ZBTB48: variants seen among roughly 807,000 people sequenced by gnomAD.
ZBTB48 encodes zinc finger and BTB domain-containing protein 48.
Under a neutral mutation model 64.5 loss-of-function variants are expected in ZBTB48, and 35 were observed. The observed-to-expected ratio is 0.54, with a 90% CI of 0.41 to 0.72. The LOEUF is 0.72. Among genes scored for constraint, ZBTB48 ranks in the 30% least tolerant of loss-of-function variants. ZBTB48 has a pLI of 0.00. For missense variants in ZBTB48, 828 were observed against 895.3 expected (o/e 0.92, Z 0.96); for synonymous variants, 442 against 356.7 (o/e 1.24, Z -2.70).
rs1306014680 is a variant in ZBTB48 at position 6,586,257 on chromosome 1, G to A, written c.1044+227G>A. 5.3e-6 allele frequency: 3 copies of A among 570,574 alleles called. No individual in the cohort carries two copies. The Admixed American group carries it at 9.1e-5, about 17-fold the overall frequency. The allele number at this position is 570,574 out of a possible 1,614,324, so 35.3% of individuals were successfully genotyped here. On this transcript the variant is annotated intron_variant, in intron 4 of 10. Transcript: ENST00000377674. ...AGGGACTCTGTGGGAGGCATTTGGGGTTGGCTTTCCTAGGCCCCTGGCCCA... is the reference window on the plus strand; with the variant it reads ...AGGGACTCTGTGGGAGGCATTTGGGATTGGCTTTCCTAGGCCCCTGGCCCA...
chr1:6,580,519 C>A lies in ZBTB48; in HGVS notation c.-69-22C>A. The A allele has an allele frequency of 1.5e-6, 2 of 1,373,868 alleles. No homozygotes were observed. The highest frequency in any genetic ancestry group is 4.7e-5 in the East Asian group (2 of 42,654). The allele number at this position is 1,373,868 out of a possible 1,614,324, so 85.1% of individuals were successfully genotyped here. A position where few individuals can be genotyped will look rare whatever the true frequency, so the allele number is the denominator to read the frequency against. ...ATTATTTGAGTAGAGGCCAACTTCC[C>A]GTTTCTCTCTCTTGACTCCAGGAGC... On this transcript the variant is annotated intron_variant, in intron 1 of 10. Coordinates refer to ENST00000377674, the MANE Select transcript of ZBTB48 (RefSeq NM_005341.4). This position sits in a 1 kb window ranked among gnomAD's most constrained non-coding sequence, Gnocchi z 5.2.
intron 3 of ZBTB48, 154 bp from the exon 4 acceptor site, chr1:6,585,765 C>T: frequency 1.5e-6 from 1 of 668,726 alleles, no homozygotes; most frequent in Non-Finnish European, 2.6e-6. Flanking sequence ...AGTCTCCATG[C>T]TGGGGGAGGC....
chr1:6,583,044 G>C (rs1640527298), intron 3 of ZBTB48, among the ~76,000 whole-genome samples: 1 of 152,074 alleles, frequency 6.6e-6, no homozygotes, highest in South Asian at 2.1e-4. Flanking sequence ...AGGCTAGAGT[G>C]CAGTAGCGTG....
intron 4 of ZBTB48, chr1:6,586,334 GA>G: frequency 2.0e-6 from 1 of 500,518 alleles, no homozygotes. Context: ...TGGCAGCTGG[GA>G]AAGGCCCCCT....
At chr1:6,586,573 C>G in intron 4 of ZBTB48, 122 bp from the exon 5 acceptor site, 1 of 1,373,310 alleles carries the variant, frequency 7.3e-7, no homozygotes, top group East Asian at 2.8e-5. Context: ...CTCTCCCACC[C>G]TAGCGTCCCC....
At chr1:6,587,924 C>A in intron 7 of ZBTB48, 136 bp from the exon 8 acceptor site, 2 of 1,274,036 alleles carry the variant, frequency 1.6e-6, no homozygotes, top group South Asian at 1.5e-5. Context: ...TGTCCTTCTG[C>A]TCTCGGGGTG....
chr1:6,581,821 G>C (rs1640479961), intron 2 of ZBTB48, among the ~76,000 whole-genome samples: 1 of 152,222 alleles, frequency 6.6e-6, no homozygotes, highest in Non-Finnish European at 1.5e-5. Context: ...GGCAGCATCA[G>C]GGTTACAGGT....
chr1:6,585,003 A>G (rs1316415574), intron 3 of ZBTB48, among the ~76,000 whole-genome samples: 4 of 152,228 alleles, frequency 2.6e-5, no homozygotes, highest in African/African-American at 7.2e-5. Flanking sequence ...GGCAATGCAG[A>G]TAACAGATAA....
chr1:6,587,852 C>G (rs1640732494), intron 7 of ZBTB48, among the ~76,000 whole-genome samples: 1 of 152,164 alleles, frequency 6.6e-6, no homozygotes, highest in Admixed American at 6.5e-5. Flanking sequence ...CTCAGACAAG[C>G]CTCTGTGCCC....
At chr1:6,582,037 C>T (rs532983307) in intron 2 of ZBTB48, 21 bp from the exon 3 acceptor site, 6 of 1,607,458 alleles carry the variant, frequency 3.7e-6, no homozygotes, top group Admixed American at 3.3e-5. Flanking sequence ...CCACCCCCTC[C>T]TGCTGCCTAT....
rs1479664124 is a variant in ZBTB48, at chr1:6,584,474, A to G, written c.933-1445A>G. 6.6e-6 allele frequency among the ~76,000 whole-genome samples: 1 copy of G among 152,194 alleles called. No individual in the cohort carries two copies. Among genetic ancestry groups the G allele is most frequent in the Non-Finnish European group, 1.5e-5 (1 of 68,034 alleles). On this transcript the variant is annotated intron_variant, in intron 3 of 10. Coordinates refer to ENST00000377674, the MANE Select transcript of ZBTB48 (RefSeq NM_005341.4). This position sits in a 1 kb window ranked among gnomAD's most constrained non-coding sequence, Gnocchi z 4.5. ...CCAGCCAAGACATCACTAGTCTATC[A>G]TGGTGTGTTTTCTTGCCATGCCAGG...
At chr1:6,583,854 A>G (rs1640563705) in intron 3 of ZBTB48, among the ~76,000 whole-genome samples, 1 of 138,904 alleles carries the variant, frequency 7.2e-6, no homozygotes, top group Non-Finnish European at 1.5e-5. Flanking sequence ...GTCTAAGCTC[A>G]CTACAACCTC....
In ZBTB48 at chr1:6,580,655, C is replaced by T; in HGVS notation, c.46C>T (p.Leu16Phe). 1.9e-6 allele frequency: 3 copies of T among 1,614,086 alleles called. No individual in the cohort carries two copies. The highest frequency in any genetic ancestry group is 2.5e-6 in the Non-Finnish European group (3 of 1,180,030). ...VQHSVRVLQELNKQREKGQYC... is the reference protein window; with the variant it reads ...VQHSVRVLQEFNKQREKGQYC... ...GCACAGTGTGAGGGTTCTGCAGGAG[C>T]TCAACAAGCAGCGGGAGAAGGGCCA... is the stretch of plus-strand genomic sequence containing the variant. The change falls in exon 2 of 11, where the codon CTC (leucine) becomes TTC (phenylalanine). Residue 16 changes from leucine to phenylalanine, a missense_variant. Transcript: ENST00000377674. The surrounding 1 kb of genome is among the most constrained non-coding windows in gnomAD (Gnocchi z 5.2).
At position 6,589,205 on chromosome 1, in the gene ZBTB48, A is replaced by C. The variant is rs1640794958; in HGVS notation, c.2060A>C (p.Asp687Ala). 6.6e-7 allele frequency: 1 copy of C among 1,511,494 alleles called. No homozygotes were observed. The highest frequency in any genetic ancestry group is 1.4e-5 in the African/African-American group (1 of 71,778). 93.6% of individuals were successfully genotyped at this position (1,511,494 alleles called of 1,614,324 possible). The change falls in exon 11 of 11, where the codon GAC becomes GCC. Residue 687 changes from aspartate (D) to alanine (A), a missense_variant. Asp to Ala is a moderately radical substitution (Grantham distance 126). Transcript: ENST00000377674. ...ACAGCTGCTGTCCCCGAGGACTGTGACACATAGCCCATTCTGGCCACCAGA... is the reference window on the plus strand; with the variant it reads ...ACAGCTGCTGTCCCCGAGGACTGTGCCACATAGCCCATTCTGGCCACCAGA... ...IITAAVPEDC[D>A]T
Position 6,581,341 on chromosome 1 carries a change from G to A in ZBTB48, c.690+42G>A, listed in dbSNP as rs1057201672. ...GTTGGGACTGGGGAGACAAATAGAG[G>A]GAATAGACACTTTTTTGGTATAATA... On this transcript the variant is annotated intron_variant, in intron 2 of 10. Transcript: ENST00000377674. 5.2e-6 allele frequency: 8 copies of A among 1,525,992 alleles called. No homozygotes were observed. The African/African-American group carries it at 6.9e-5, about 13-fold the overall frequency. The allele number at this position is 1,525,992 out of a possible 1,614,324, so 94.5% of individuals were successfully genotyped here. A position where few individuals can be genotyped will look rare whatever the true frequency, so the allele number is the denominator to read the frequency against.
Position 6,588,901 on chromosome 1 carries a change from C to A in ZBTB48, c.1771-15C>A. 1 of 1,613,734 alleles carries A rather than the reference C, an allele frequency of 6.2e-7. No homozygotes were observed. Among genetic ancestry groups the A allele is most frequent in the Non-Finnish European group, 8.5e-7 (1 of 1,179,878 alleles). On this transcript the variant is annotated splice_polypyrimidine_tract_variant and intron_variant, in intron 10 of 10. Transcript: ENST00000377674. ...CTAGGATCCCCCAAAGTTCTGAGCT[C>A]ACCCTCCCCGCCAGGCCCACCTGCG...
Position 6,588,817 on chromosome 1 carries a change from C to A in ZBTB48, c.1743C>A (p.Thr581=), listed in dbSNP as rs745310512. ...AGGGGGTGAGGAAGTTTGAGTGCAC[C>A]GAGTGTGGCTACAAGTTTACCCGAC... The part of the protein sequence containing the change: ...RHKGVRKFEC[T]ECGYKFTRQA... Residue 581 remains threonine, a synonymous_variant, in exon 10 of 11, where the codon ACC becomes ACA. Coordinates refer to ENST00000377674, the MANE Select transcript of ZBTB48 (RefSeq NM_005341.4). The A allele has an allele frequency of 2.5e-6, 4 of 1,614,150 alleles. No individual in the cohort carries two copies. The highest frequency in any genetic ancestry group is 1.1e-5 in the South Asian group (1 of 91,082).
In ZBTB48 at chr1:6,582,238, G is replaced by C. The variant is rs1267359191; in HGVS notation, c.871G>C (p.Val291Leu). ...GAACAGAAAAGGTACAGCGGTGCCG[G>C]TCGAATGCCCCACATGTCATAAAAA... ...AENRKGTAVP[V>L]ECPTCHKKFL... Residue 291 changes from valine (V) to leucine (L), a missense_variant, in exon 3 of 11, where the codon GTC becomes CTC. Val to Leu is a conservative substitution (Grantham distance 32, BLOSUM62 1). Transcript: ENST00000377674. The C allele has an allele frequency of 3.1e-6, 5 of 1,614,002 alleles. No homozygotes were observed. Among genetic ancestry groups the C allele is most frequent in the Admixed American group, 1.7e-5 (1 of 60,010 alleles).
At position 6,580,956 on chromosome 1, in the gene ZBTB48, C is replaced by T. The variant is rs1640425644; in HGVS notation, c.347C>T (p.Pro116Leu). The T allele has an allele frequency of 2.5e-6, 4 of 1,613,900 alleles. No individual in the cohort carries two copies. Among genetic ancestry groups the T allele is most frequent in the Non-Finnish European group, 3.4e-6 (4 of 1,180,040 alleles). Residue 116 changes from proline (P) to leucine (L), a missense_variant, in exon 2 of 11, where the codon CCC becomes CTC. Transcript: ENST00000377674. This position sits in a 1 kb window ranked among gnomAD's most constrained non-coding sequence, Gnocchi z 5.2. ...EAVELCQSFKPKTSVGQAAGG... is the reference protein window; with the variant it reads ...EAVELCQSFKLKTSVGQAAGG... ...GTAGAGCTGTGCCAGAGCTTCAAGC[C>T]CAAAACTTCAGTGGGACAGGCAGCA...
Sources: allele counts gnomAD v4.1 joint callset (sites outside exome capture counted in the v4.1 genomes callset), GRCh38; gene constraint gnomAD v4.1.1; non-coding constraint Gnocchi (gnomAD v3.1); transcripts MANE v1.5; gene names NCBI Gene and HGNC (gene_info 2026-07-23, HGNC 2026-07-21).